Variants in ECE1 observed in about 807,000 individuals in gnomAD.
ECE1 encodes the protein endothelin-converting enzyme 1.
ECE1 carries 35 observed loss-of-function variants against 98.6 expected under a neutral mutation model. That is an observed-to-expected ratio of 0.35 (90% CI 0.27 to 0.47). ECE1 has a LOEUF of 0.47. ECE1 is among the 20% of genes least tolerant of loss of function. ECE1 has a pLI of 1.00. For synonymous variants in ECE1, 394 were observed against 407.1 expected (o/e 0.97, Z 0.39); for missense variants, 814 against 1,025.3 (o/e 0.79, Z 2.81).
In ECE1 at chr1:21,279,400, G is replaced by C. The variant is rs770315117; in HGVS notation, c.139-68C>G. 36 of 1,611,888 alleles carry C rather than the reference G, an allele frequency of 2.2e-5. No homozygotes were observed. The highest frequency in any genetic ancestry group is 6.7e-5 in the Admixed American group (4 of 59,772). Reference sequence around the variant, plus strand: ...CGGGCCCCGCTTCCCTTGGAGGAAGGGGTTCCGCTGCAGGCCCAGGCCCTG... The same window carrying C: ...CGGGCCCCGCTTCCCTTGGAGGAAGCGGTTCCGCTGCAGGCCCAGGCCCTG... On this transcript the variant is annotated intron_variant, in intron 2 of 18. Transcript: ENST00000374893.
chr1:21,222,305 C>G (rs985624784), intron 17 of ECE1, among the ~76,000 whole-genome samples: 71 of 152,140 alleles, frequency 4.7e-4, no homozygotes, highest in African/African-American at 1.5e-3. Flanking sequence ...GACCACTGCT[C>G]CGCTCCCCCT....
chr1:21,280,366 A>C (rs2098253001), intron 2 of ECE1, among the ~76,000 whole-genome samples: 1 of 152,166 alleles, frequency 6.6e-6, no homozygotes, highest in African/African-American at 2.4e-5. Context: ...GCAGATAAAG[A>C]AACAGACTGG....
intron 2 of ECE1, among the ~76,000 whole-genome samples, chr1:21,288,734 G>C (rs1364631451): frequency 2.0e-5 from 3 of 152,218 alleles, no homozygotes; most frequent in Non-Finnish European, 4.4e-5. Context: ...TTTCCTGCTG[G>C]CTTCAGCCTC....
chr1:21,281,775 C>A (rs1338067060), intron 2 of ECE1, among the ~76,000 whole-genome samples: 3 of 152,230 alleles, frequency 2.0e-5, no homozygotes, highest in Non-Finnish European at 4.4e-5. Context: ...CGGCTCACTG[C>A]AACCTCTGCC....
Position 21,258,935 on chromosome 1 carries a change from A to G in ECE1, c.616-96T>C. On this transcript the variant is annotated intron_variant, in intron 5 of 18. Transcript: ENST00000374893. The surrounding 1 kb of genome is among the most constrained non-coding windows in gnomAD (Gnocchi z 4.2). ...CCGCTGACTTGCTCTGTGACCCTGG[A>G]GCAGTCGCCTGACCTCTCTGAGCCT... 6.5e-7 allele frequency: 1 copy of G among 1,529,790 alleles called. No homozygotes were observed. Among genetic ancestry groups the G allele is most frequent in the Non-Finnish European group, 8.9e-7 (1 of 1,124,924 alleles). The allele number at this position is 1,529,790 out of a possible 1,614,324, so 94.8% of individuals were successfully genotyped here.
intron 10 of ECE1, among the ~76,000 whole-genome samples, chr1:21,244,746 A>G (rs1468259238): frequency 6.6e-6 from 1 of 152,186 alleles, no homozygotes; most frequent in African/African-American, 2.4e-5. Context: ...CTCACCTCAC[A>G]GGCATTGTGA....
chr1:21,278,353 A>C (rs1318952769), intron 3 of ECE1, among the ~76,000 whole-genome samples: 2 of 152,250 alleles, frequency 1.3e-5, no homozygotes, highest in Non-Finnish European at 1.5e-5. Flanking sequence ...CCCCTACAGC[A>C]GGATCAGAGT....
Position 21,251,333 on chromosome 1 carries a change from T to C in ECE1, c.1021-3970A>G, listed in dbSNP as rs140943530. Among the ~76,000 whole-genome samples, 86 of 152,084 alleles carry C rather than the reference T, an allele frequency of 5.7e-4. 1 individual carries two copies. The highest frequency in any genetic ancestry group is 1.9e-3 in the African/African-American group (77 of 41,480). On this transcript the variant is annotated intron_variant, in intron 8 of 18. Coordinates refer to ENST00000374893, the MANE Select transcript of ECE1 (RefSeq NM_001397.3). ...TTCAAGACCAGCCTGGCCAACATGATGAAACCCTATCTCTGCTAAAAGTAT... is the reference window on the plus strand; with the variant it reads ...TTCAAGACCAGCCTGGCCAACATGACGAAACCCTATCTCTGCTAAAAGTAT...
chr1:21,227,842 A>G, intron 15 of ECE1, 89 bp downstream of exon 15: 1 of 1,054,492 alleles, frequency 9.5e-7, no homozygotes, highest in Admixed American at 2.3e-5. Context: ...TGGGGCAAAG[A>G]TCACATGGTG....
chr1:21,302,926 G>A (rs1170316923), intron 1 of ECE1, among the ~76,000 whole-genome samples: 1 of 152,210 alleles, frequency 6.6e-6, no homozygotes, highest in African/African-American at 2.4e-5. Context: ...CTGGGCCTGG[G>A]CTGGCTGATT....
chr1:21,290,622 C>T, upstream of ECE1: 2 of 1,107,514 alleles, frequency 1.8e-6, no homozygotes, highest in Non-Finnish European at 2.3e-6. This position sits in a 1 kb window ranked among gnomAD's most constrained non-coding sequence, Gnocchi z 7.3. Flanking sequence ...GTGGGGGCCC[C>T]CAAACTGAAG....
chr1:21,233,204 G>T lies in ECE1; in HGVS notation c.1670+354C>A. On this transcript the variant is annotated intron_variant, in intron 14 of 18. Coordinates refer to ENST00000374893, the MANE Select transcript of ECE1 (RefSeq NM_001397.3). The surrounding 1 kb of genome is among the most constrained non-coding windows in gnomAD (Gnocchi z 4.0). The stretch of plus-strand genomic sequence containing the variant: ...GGTCCTCACATTTGACTGCCATGAG[G>T]ACCCCAGAACCAGCTCCTCCCATCC... 1 of 235,800 alleles carries T rather than the reference G, an allele frequency of 4.2e-6. No homozygotes were observed. Among genetic ancestry groups the T allele is most frequent in the South Asian group, 5.8e-5 (1 of 17,096 alleles). The allele number at this position is 235,800 out of a possible 1,614,324, so 14.6% of individuals were successfully genotyped here. A position where few individuals can be genotyped will look rare whatever the true frequency, so the allele number is the denominator to read the frequency against.
intron 1 of ECE1, among the ~76,000 whole-genome samples, chr1:21,303,488 C>CTAA (rs1380045148): frequency 6.6e-6 from 1 of 152,216 alleles, no homozygotes; most frequent in Non-Finnish European, 1.5e-5. Context: ...ACATGACTTA[C>CTAA]TAATAGAGAG....
At position 21,276,022 on chromosome 1, in the gene ECE1, C is replaced by T. The variant is rs1441491659; in HGVS notation, c.281-3111G>A. On this transcript the variant is annotated intron_variant, in intron 3 of 18. Coordinates refer to ENST00000374893, the MANE Select transcript of ECE1 (RefSeq NM_001397.3). ...TTTGGCAACTAGCAGCTGTTTAATA[C>T]GTGCTTTTTTTTTTTTTTTTTTTTT... 4.2e-5 allele frequency among the ~76,000 whole-genome samples: 6 copies of T among 142,622 alleles called. No individual in the cohort carries two copies. In the East Asian group the frequency reaches 5.9e-4, roughly 14 times the overall value. 93.6% of individuals were successfully genotyped at this position (142,622 alleles called of 152,430 possible). A position where few individuals can be genotyped will look rare whatever the true frequency, so the allele number is the denominator to read the frequency against.
intron 1 of ECE1, among the ~76,000 whole-genome samples, chr1:21,317,491 G>C (rs539275715): frequency 1.3e-5 from 2 of 152,350 alleles, no homozygotes; most frequent in African/African-American, 4.8e-5. Context: ...ACGCTGAGCT[G>C]GTGACGCATC....
Position 21,307,622 on chromosome 1 carries a change from G to C in ECE1, c.4-17466C>G, listed in dbSNP as rs948854104. 7.9e-5 allele frequency among the ~76,000 whole-genome samples: 12 copies of C among 152,218 alleles called. No individual in the cohort carries two copies. Among genetic ancestry groups the C allele is most frequent in the African/African-American group, 2.9e-4 (12 of 41,458 alleles). On this transcript the variant is annotated intron_variant, in intron 1 of 18. Transcript: ENST00000415912. The surrounding 1 kb of genome is among the most constrained non-coding windows in gnomAD (Gnocchi z 4.2). ...ACCCCAGGAGGCATTCCTGTCATTTGTCCCCACTGGGTCTGGGGCTGGGGC... is the reference window on the plus strand; with the variant it reads ...ACCCCAGGAGGCATTCCTGTCATTTCTCCCCACTGGGTCTGGGGCTGGGGC...
At position 21,260,540 on chromosome 1, in the gene ECE1, C is replaced by G; in HGVS notation, c.494-148G>C. ...TCGGAGTGGCAGTGAGGAATGCCGT[C>G]ACCGTGAGTATGTGAGGGCCCCTGG... is the stretch of plus-strand genomic sequence containing the variant. On this transcript the variant is annotated intron_variant, in intron 4 of 18. Transcript: ENST00000374893. This position sits in a 1 kb window ranked among gnomAD's most constrained non-coding sequence, Gnocchi z 4.3. 1 of 1,092,824 alleles carries G rather than the reference C, an allele frequency of 9.2e-7. No homozygotes were observed. The highest frequency in any genetic ancestry group is 1.4e-6 in the Non-Finnish European group (1 of 726,832). 67.7% of individuals were successfully genotyped at this position (1,092,824 alleles called of 1,614,324 possible).
At chr1:21,238,274 G>C in intron 10 of ECE1, 30 bp from the exon 11 acceptor site, 1 of 1,558,046 alleles carries the variant, frequency 6.4e-7, no homozygotes, top group Non-Finnish European at 8.8e-7. Context: ...GGGCTCGCTG[G>C]GCCCCAGCCC....
intron 17 of ECE1, among the ~76,000 whole-genome samples, chr1:21,223,925 T>C (rs191249977): frequency 1.3e-5 from 2 of 152,310 alleles, no homozygotes; most frequent in East Asian, 3.9e-4. Flanking sequence ...GTAGGTTGAA[T>C]CATGTCATTC....
Sources: gnomAD v4.1 joint callset for allele counts (sites outside exome capture counted in the v4.1 genomes callset) on GRCh38, gnomAD v4.1.1 for gene constraint, Gnocchi (gnomAD v3.1) non-coding constraint, MANE v1.5 for transcripts, NCBI Gene and HGNC (gene_info 2026-07-23, HGNC 2026-07-21) for gene names.